ARHGAP24: variants seen among roughly 807,000 people sequenced by gnomAD.
ARHGAP24 encodes the protein rho GTPase-activating protein 24.
A neutral mutation model predicts 76.4 loss-of-function variants in ARHGAP24; 50 were observed. The ratio of observed to expected loss-of-function variants is 0.65; its 90% confidence interval spans 0.52 to 0.83. The LOEUF (loss-of-function observed/expected upper bound fraction) is 0.83. Ranked by LOEUF, ARHGAP24 falls within the 40% of genes least tolerant of loss-of-function variation. The probability of loss-of-function intolerance (pLI) is 0.00; values close to 1 mark genes in which losing one functional copy is unlikely to be tolerated. For synonymous variants in ARHGAP24, 345 were observed against 323.3 expected, an observed-to-expected ratio of 1.07 and a Z score of -0.72; for missense variants, 930 against 914.2, an observed-to-expected ratio of 1.02 and a Z score of -0.22.
At chr4:85,558,929 C>A (rs983254931) in intron 1 of ARHGAP24, among the ~76,000 whole-genome samples, 1 of 152,210 alleles carries the variant, frequency 6.6e-6, no homozygotes, top group Non-Finnish European at 1.5e-5. Context: ...AATGATAATG[C>A]AATCAACAAC....
intron 4 of ARHGAP24, among the ~76,000 whole-genome samples, chr4:85,940,488 A>G (rs1309115191): frequency 6.6e-6 from 1 of 152,122 alleles, no homozygotes; most frequent in Non-Finnish European, 1.5e-5. Context: ...GACATTGAAC[A>G]GGACTATGCC....
Position 85,995,209 on chromosome 4 carries a change from C to T in ARHGAP24, c.1555C>T (p.Gln519Ter). 6.2e-7 allele frequency: 1 copy of T among 1,613,966 alleles called. No individual in the cohort carries two copies. The highest frequency in any genetic ancestry group is 8.5e-7 in the Non-Finnish European group (1 of 1,180,030). Residue 519 changes from glutamine (Q) to a stop codon, truncating the protein, a stop_gained, in exon 9 of 10, where the codon CAA (glutamine) becomes TAA (stop). Coordinates refer to ENST00000395184, the MANE Select transcript of ARHGAP24 (RefSeq NM_001025616.3). LOFTEE classifies it high-confidence loss of function. ...VTLRDNKQKE[Q>*]AGELGQHNRL... ...CCTGAGGGATAACAAGCAGAAAGAA[C>T]AAGCTGGAGAGTTAGGCCAGCACAA...
rs141001375 is a variant in ARHGAP24 at position 85,897,191 on chromosome 4, CTGGCCCTGCTCTT to C, written c.269-26454_269-26442del. 9.8e-3 allele frequency among the ~76,000 whole-genome samples: 1,490 copies of C among 152,252 alleles called. 19 individuals are homozygous for C. Among genetic ancestry groups the C allele is most frequent in the African/African-American group, 0.034 (1,393 of 41,532 alleles). On this transcript the variant is annotated intron_variant, in intron 3 of 9. Transcript: ENST00000395184. ...AATGATGCATCAAATCATTCCCAGC[CTGGCCCTGCTCTT>C]TGCCTCAATGCTGGTGTGAACACTG...
At chr4:85,644,324 AT>A (rs1232478162) in intron 2 of ARHGAP24, among the ~76,000 whole-genome samples, 1 of 152,086 alleles carries the variant, frequency 6.6e-6, no homozygotes, top group Middle Eastern at 3.2e-3. Flanking sequence ...AGAACATCAC[AT>A]TGGTTTTAAG....
At chr4:85,910,911 T>C (rs1460479591) in intron 3 of ARHGAP24, among the ~76,000 whole-genome samples, 1 of 148,980 alleles carries the variant, frequency 6.7e-6, no homozygotes, top group Non-Finnish European at 1.5e-5. Flanking sequence ...ACCCACCCCC[T>C]CCCATCCAGG....
At chr4:85,861,677 T>C (rs1270379119) in intron 3 of ARHGAP24, among the ~76,000 whole-genome samples, 1 of 152,114 alleles carries the variant, frequency 6.6e-6, no homozygotes, top group African/African-American at 2.4e-5. Flanking sequence ...ATATTTTTGA[T>C]GTTTTATTTT....
chr4:85,634,973 T>A (rs1257682948), intron 2 of ARHGAP24, among the ~76,000 whole-genome samples: 2 of 151,896 alleles, frequency 1.3e-5, no homozygotes, highest in African/African-American at 2.4e-5. Context: ...GATGTATACA[T>A]CTTCAGATCA....
intron 3 of ARHGAP24, among the ~76,000 whole-genome samples, chr4:85,895,000 G>GAAAAAAAAAAAAAAAAAAAAAAA (rs1560701790): frequency 2.1e-5 from 1 of 47,992 alleles, no homozygotes; most frequent in Non-Finnish European, 4.5e-5. Context: ...AAAACAAAAA[G>GAAAAAAAAAAAAAAAAAAAAAAA]CAAAAAAAAA....
chr4:85,612,074 T>A (rs1439472826), intron 2 of ARHGAP24, among the ~76,000 whole-genome samples: 2 of 116,286 alleles, frequency 1.7e-5, no homozygotes, highest in Non-Finnish European at 3.5e-5. Flanking sequence ...GGGTTCTCTT[T>A]CATTACATTA....
intron 3 of ARHGAP24, among the ~76,000 whole-genome samples, chr4:85,871,401 C>A (rs1041025907): frequency 3.3e-5 from 5 of 152,194 alleles, no homozygotes; most frequent in African/African-American, 9.6e-5. Context: ...AATACACCTT[C>A]TTTTCTACCT....
chr4:85,504,948 G>T (rs113472386), intron 1 of ARHGAP24, among the ~76,000 whole-genome samples: 4 of 152,256 alleles, frequency 2.6e-5, no homozygotes, highest in African/African-American at 9.6e-5. Flanking sequence ...TTGCTTGTTT[G>T]TAAAGGATTT....
chr4:85,645,208 G>A (rs1332059925), intron 2 of ARHGAP24, among the ~76,000 whole-genome samples: 1 of 152,020 alleles, frequency 6.6e-6, no homozygotes, highest in Non-Finnish European at 1.5e-5. Flanking sequence ...TAAAACAAAT[G>A]CCTTAATCAA....
chr4:85,679,797 TGA>T (rs1369892131), intron 2 of ARHGAP24, among the ~76,000 whole-genome samples: 1 of 152,198 alleles, frequency 6.6e-6, no homozygotes, highest in Non-Finnish European at 1.5e-5. Context: ...CATTTTCCTC[TGA>T]GAGTCTCAAT....
At chr4:85,902,018 C>A (rs1734522714) in intron 3 of ARHGAP24, among the ~76,000 whole-genome samples, 1 of 152,132 alleles carries the variant, frequency 6.6e-6, no homozygotes, top group African/African-American at 2.4e-5. Context: ...ATGGTCCCCT[C>A]CCTGAGTCCA....
chr4:85,972,311 T>C (rs1739033976), intron 6 of ARHGAP24, 143 bp downstream of exon 6: 1 of 1,055,574 alleles, frequency 9.5e-7, no homozygotes, highest in Non-Finnish European at 1.4e-6. Context: ...ACACTGAGAC[T>C]TTCCGTATAC....
intron 3 of ARHGAP24, among the ~76,000 whole-genome samples, chr4:85,857,801 G>A (rs1015581676): frequency 4.1e-4 from 63 of 152,216 alleles, no homozygotes; most frequent in African/African-American, 1.4e-3. Context: ...TGGTTGCAGA[G>A]GGGGCAATAG....
At chr4:85,648,640 A>G (rs989551318) in intron 2 of ARHGAP24, among the ~76,000 whole-genome samples, 1 of 152,160 alleles carries the variant, frequency 6.6e-6, no homozygotes, top group Non-Finnish European at 1.5e-5. Flanking sequence ...AATATGTCAT[A>G]CAAGTGGAAA....
At chr4:85,787,699 G>C (rs756751840) in intron 3 of ARHGAP24, among the ~76,000 whole-genome samples, 4 of 151,978 alleles carry the variant, frequency 2.6e-5, no homozygotes, top group Non-Finnish European at 5.9e-5. Flanking sequence ...CATGGTAATG[G>C]AGCCAAAGGC....
At chr4:85,638,919 A>G (rs1392288674) in intron 2 of ARHGAP24, among the ~76,000 whole-genome samples, 1 of 152,198 alleles carries the variant, frequency 6.6e-6, no homozygotes, top group Admixed American at 6.5e-5. Flanking sequence ...AGTCACTGAC[A>G]TAATCTCATG....
Sources: allele counts gnomAD v4.1 joint callset (sites outside exome capture counted in the v4.1 genomes callset), GRCh38; gene constraint gnomAD v4.1.1; transcripts MANE v1.5; gene names NCBI Gene and HGNC (gene_info 2026-07-23, HGNC 2026-07-21).